TNIK: variants seen among roughly 807,000 people sequenced by gnomAD.
TNIK encodes the protein TRAF2 and NCK interacting kinase.
A neutral mutation model predicts 191.3 loss-of-function variants in TNIK; 49 were observed. The ratio of observed to expected loss-of-function variants is 0.26; its 90% CI spans 0.20 to 0.32. TNIK has a LOEUF of 0.32. Among genes scored for constraint, TNIK ranks in the 10% least tolerant of loss-of-function variants. The pLI, the probability that TNIK is intolerant of heterozygous loss-of-function variation, is 1.00. For synonymous variants in TNIK, 594 were observed against 600.9 expected (o/e 0.99, Z 0.17); for missense variants, 1,155 against 1,702.3 (o/e 0.68, Z 5.66).
At chr3:171,079,739 T>C in intron 27 of TNIK, 87 bp from the exon 28 acceptor site, 2 of 1,435,752 alleles carry the variant, frequency 1.4e-6, no homozygotes, top group East Asian at 5.0e-5. Context: ...CTAATTTATT[T>C]TATTTACGTG....
At chr3:171,224,884 G>A (rs980806122) in intron 3 of TNIK, among the ~76,000 whole-genome samples, 1 of 152,216 alleles carries the variant, frequency 6.6e-6, no homozygotes, top group African/African-American at 2.4e-5. Flanking sequence ...TGAAGCAAAT[G>A]TTGGCAAATT....
chr3:171,198,839 C>T (rs563733699), intron 4 of TNIK, among the ~76,000 whole-genome samples: 4 of 152,086 alleles, frequency 2.6e-5, no homozygotes, highest in South Asian at 2.1e-4. Context: ...AATATTTTCC[C>T]GAGTGAGCAA....
At chr3:171,220,092 G>A (rs138575841) in intron 3 of TNIK, among the ~76,000 whole-genome samples, 8,140 of 152,202 alleles carry the variant, frequency 0.053, 746 homozygotes, top group African/African-American at 0.19. Context: ...GTCCTTTGCA[G>A]GGACATGGGT....
At chr3:171,440,252 C>T (rs1207447074) in intron 1 of TNIK, among the ~76,000 whole-genome samples, 1 of 152,184 alleles carries the variant, frequency 6.6e-6, no homozygotes, top group Non-Finnish European at 1.5e-5. Flanking sequence ...CTGCCCCTTT[C>T]CTTCCCTCGC....
At chr3:171,351,493 G>A (rs1713205159) in intron 2 of TNIK, among the ~76,000 whole-genome samples, 1 of 152,108 alleles carries the variant, frequency 6.6e-6, no homozygotes, top group Admixed American at 6.6e-5. Context: ...TTGATTGGAT[G>A]TTGTTTTTGA....
intron 2 of TNIK, among the ~76,000 whole-genome samples, chr3:171,241,029 T>TC (rs1235441723): frequency 1.4e-5 from 2 of 142,538 alleles, no homozygotes; most frequent in Non-Finnish European, 3.0e-5. Flanking sequence ...TCTTTTTTTT[T>TC]CTTTTCTTTT....
intron 2 of TNIK, among the ~76,000 whole-genome samples, chr3:171,288,061 T>C (rs13091965): frequency 0.17 from 25,016 of 146,398 alleles, 2,362 homozygotes; most frequent in Middle Eastern, 0.22. Context: ...AGTAAACTAT[T>C]GCAAGAACAA....
intron 4 of TNIK, among the ~76,000 whole-genome samples, chr3:171,200,492 A>G (rs57906972): frequency 0.27 from 41,190 of 152,186 alleles, 5,880 homozygotes; most frequent in East Asian, 0.5. Context: ...AGTTTTTGTC[A>G]GTTGTCATGT....
intron 15 of TNIK, among the ~76,000 whole-genome samples, chr3:171,132,741 CTG>C (rs1729478426): frequency 6.6e-6 from 1 of 152,068 alleles, no homozygotes; most frequent in African/African-American, 2.4e-5. Flanking sequence ...AATTTTAAAA[CTG>C]TTGACAGCAA....
chr3:171,407,531 C>T lies in TNIK; in HGVS notation c.58-37846G>A, dbSNP rs982967555. On this transcript the variant is annotated intron_variant, in intron 1 of 32. Transcript: ENST00000436636. ...CTTTAAACAGACTGAGGGATAAATACTCTCCCAGCCCCTGTTCTAAGTTGG... is the reference window on the plus strand; with the variant it reads ...CTTTAAACAGACTGAGGGATAAATATTCTCCCAGCCCCTGTTCTAAGTTGG... 3.3e-5 allele frequency among the ~76,000 whole-genome samples: 5 copies of T among 152,136 alleles called. No homozygotes were observed. In the East Asian group the frequency reaches 9.6e-4, roughly 29 times the overall value.
rs375979941 is a variant in TNIK, at chr3:171,146,011, G to A, written c.1222-5502C>T. Among the ~76,000 whole-genome samples the A allele has an allele frequency of 7.2e-5, 11 of 152,220 alleles. No homozygotes were observed. In the East Asian group the frequency reaches 1.7e-3, roughly 24 times the overall value. On this transcript the variant is annotated intron_variant, in intron 12 of 32. Transcript: ENST00000436636. The stretch of plus-strand genomic sequence containing the variant: ...TCATTGCACTACTTACTAGGCAAGT[G>A]TATAGTTTTCAGTGTGATCTCAGAA...
chr3:171,260,310 A>G (rs1471470024), intron 2 of TNIK, among the ~76,000 whole-genome samples: 4 of 152,124 alleles, frequency 2.6e-5, no homozygotes, highest in African/African-American at 9.7e-5. Flanking sequence ...CCGCTGCAAG[A>G]TGCTATTGCA....
At chr3:171,391,020 G>A (rs1486998610) in intron 1 of TNIK, among the ~76,000 whole-genome samples, 1 of 152,174 alleles carries the variant, frequency 6.6e-6, no homozygotes, top group Non-Finnish European at 1.5e-5. Flanking sequence ...TTTCATAACA[G>A]AATAAACAAA....
At chr3:171,128,461 G>C (rs1222523994) in intron 16 of TNIK, among the ~76,000 whole-genome samples, 2 of 152,014 alleles carry the variant, frequency 1.3e-5, no homozygotes, top group African/African-American at 4.8e-5. Flanking sequence ...AACTCCTATG[G>C]GTCCCCAGAG....
At chr3:171,365,741 G>A (rs1236087464) in intron 2 of TNIK, among the ~76,000 whole-genome samples, 4 of 152,130 alleles carry the variant, frequency 2.6e-5, no homozygotes, top group Non-Finnish European at 1.5e-5. Context: ...ATAGCATGCT[G>A]GAAATATACA....
intron 20 of TNIK, 94 bp from the exon 21 acceptor site, chr3:171,107,300 T>A: frequency 1.7e-6 from 2 of 1,149,954 alleles, no homozygotes; most frequent in Non-Finnish European, 2.5e-6. Context: ...TAATTGTTAG[T>A]ACGCAACTGA....
At chr3:171,434,899 C>T (rs1411208373) in intron 1 of TNIK, among the ~76,000 whole-genome samples, 1 of 152,018 alleles carries the variant, frequency 6.6e-6, no homozygotes, top group African/African-American at 2.4e-5. Flanking sequence ...AAAGAACATG[C>T]ATTAATTAGG....
At chr3:171,125,881 T>C in intron 17 of TNIK, 31 bp downstream of exon 17, 1 of 1,610,108 alleles carries the variant, frequency 6.2e-7, no homozygotes, top group Non-Finnish European at 8.5e-7. Flanking sequence ...GTGATGCTGG[T>C]GATTAAAAAA....
chr3:171,138,618 C>A (rs1035640173), intron 14 of TNIK, among the ~76,000 whole-genome samples: 6 of 152,034 alleles, frequency 3.9e-5, no homozygotes, highest in Admixed American at 6.5e-5. Flanking sequence ...AAATGGCAAT[C>A]CCTACCGAAC....
Sources: gnomAD v4.1 joint callset for allele counts (sites outside exome capture counted in the v4.1 genomes callset) on GRCh38, gnomAD v4.1.1 for gene constraint, MANE v1.5 for transcripts, NCBI Gene and HGNC (gene_info 2026-07-23, HGNC 2026-07-21) for gene names.